The following H6PD variants were observed in gnomAD, a reference collection of about 807,000 sequenced individuals.
H6PD encodes the protein hexose-6-phosphate dehydrogenase/glucose 1-dehydrogenase, also known as GDH/6PGL endoplasmic bifunctional protein.
In H6PD, 48 loss-of-function variants were observed where a neutral mutation model predicts 61.2. The ratio of observed to expected loss-of-function variants is 0.78; its 90% CI spans 0.62 to 1.00. The LOEUF is 1.00. Among genes scored for constraint, H6PD ranks in the 50% least tolerant of loss-of-function variants. The pLI is 0.00. For synonymous variants in H6PD, 480 were observed against 457.9 expected (o/e 1.05, Z -0.62); for missense variants, 1,093 against 1,065.0 (o/e 1.03, Z -0.37).
At chr1:9,263,142 T>C (rs926819072) in intron 4 of H6PD, among the ~76,000 whole-genome samples, 8 of 144,490 alleles carry the variant, frequency 5.5e-5, no homozygotes, top group East Asian at 1.9e-4. Context: ...TAGGACCCCC[T>C]GACCCCTCAA....
chr1:9,239,260 T>C (rs1640929725), intron 1 of H6PD, among the ~76,000 whole-genome samples: 1 of 152,174 alleles, frequency 6.6e-6, no homozygotes, highest in African/African-American at 2.4e-5. Context: ...TTGCCCAGGC[T>C]GGTCTCAATC....
Position 9,262,267 on chromosome 1 carries a change from G to A in H6PD, c.954G>A (p.Glu318=). The A allele has an allele frequency of 6.2e-7, 1 of 1,611,220 alleles. No individual in the cohort carries two copies. ...AVVGQYQSYS[E]QVRRELQKPD... ...TGGGCCAGTACCAGTCTTACAGTGA[G>A]CAGGTGCGCAGAGAGCTGCAGAAGC... The change falls in exon 4 of 5, where the codon GAG becomes GAA. Residue 318 remains glutamate (E), a synonymous_variant. Transcript: ENST00000377403.
intron 3 of H6PD, among the ~76,000 whole-genome samples, chr1:9,259,261 T>C (rs558111613): frequency 4.6e-4 from 70 of 152,356 alleles, no homozygotes; most frequent in East Asian, 4.4e-3. Context: ...GTGCTGGGAT[T>C]ATGGGCGTGA....
intron 3 of H6PD, among the ~76,000 whole-genome samples, chr1:9,253,356 A>G (rs1423843183): frequency 6.6e-6 from 1 of 152,246 alleles, no homozygotes; most frequent in Non-Finnish European, 1.5e-5. Context: ...GGGATTCGCT[A>G]CATTAATGAA....
Position 9,266,454 on chromosome 1 carries a change from T to G in H6PD, c.*1585T>G, listed in dbSNP as rs1638565325. ...GCCCCCAAGGAGGGCTCTGACATTC[T>G]TTTTAAAAACACCACAAAGCAAAAT... On this transcript the variant is annotated 3_prime_UTR_variant, in exon 5 of 5. Transcript: ENST00000377403. 2 of 152,232 alleles carry G rather than the reference T, an allele frequency of 1.3e-5. No homozygotes were observed. Among genetic ancestry groups the G allele is most frequent in the Admixed American group, 6.5e-5 (1 of 15,286 alleles). The allele number at this position is 152,232 out of a possible 1,614,324, so 9.4% of individuals were successfully genotyped here. A position where few individuals can be genotyped will look rare whatever the true frequency, so the allele number is the denominator to read the frequency against.
At chr1:9,250,657 G>C (rs984115093) in intron 3 of H6PD, among the ~76,000 whole-genome samples, 19 of 152,200 alleles carry the variant, frequency 1.2e-4, no homozygotes, top group Non-Finnish European at 2.2e-4. Flanking sequence ...TCCTAGGCAG[G>C]AGTGGCACCT....
In H6PD at chr1:9,256,339, G is replaced by A. The variant is rs1026588895; in HGVS notation, c.746-5720G>A. The stretch of plus-strand genomic sequence containing the variant: ...GACTTCCTGCTCATTTCAAGGTTTA[G>A]TATCCCTGGACAGAGCTGCACCCTC... On this transcript the variant is annotated intron_variant, in intron 3 of 4. Coordinates refer to ENST00000377403, the MANE Select transcript of H6PD (RefSeq NM_004285.4). 3.3e-5 allele frequency among the ~76,000 whole-genome samples: 5 copies of A among 152,314 alleles called. No homozygotes were observed. The South Asian group carries it at 6.2e-4, about 19-fold the overall frequency.
rs866830656 is a variant in H6PD, at chr1:9,246,656, C to T, written c.628-310C>T. On this transcript the variant is annotated intron_variant, in intron 2 of 4. Coordinates refer to ENST00000377403, the MANE Select transcript of H6PD (RefSeq NM_004285.4). ...GAAGAAATACAGAATGTGCTCAATT[C>T]AGAGCTTTTCTTTGCTACATTTTTG... Among the ~76,000 whole-genome samples, 4 of 152,326 alleles carry T rather than the reference C, an allele frequency of 2.6e-5. No individual in the cohort carries two copies. The South Asian group carries it at 8.3e-4, about 32-fold the overall frequency.
At chr1:9,242,131 G>A (rs79388906) in intron 1 of H6PD, among the ~76,000 whole-genome samples, 1 of 152,240 alleles carries the variant, frequency 6.6e-6, no homozygotes, top group African/African-American at 2.4e-5. Context: ...GGCGAGGACC[G>A]CGTGTTTGTT....
intron 3 of H6PD, among the ~76,000 whole-genome samples, chr1:9,259,275 A>G (rs1329497836): frequency 6.6e-6 from 1 of 151,782 alleles, no homozygotes; most frequent in African/African-American, 2.4e-5. Flanking sequence ...GGCGTGAGCC[A>G]CCATGCCTGG....
At position 9,256,239 on chromosome 1, in the gene H6PD, C is replaced by T. The variant is rs148877316; in HGVS notation, c.746-5820C>T. On this transcript the variant is annotated intron_variant, in intron 3 of 4. Transcript: ENST00000377403. ...CAAGAACTTGAAGGCCACAACACTA[C>T]AGAGCTGGGGGATCTCAGCCATTGT... 2.6e-5 allele frequency among the ~76,000 whole-genome samples: 4 copies of T among 152,368 alleles called. No individual in the cohort carries two copies. In the East Asian group the frequency reaches 7.7e-4, roughly 29 times the overall value.
intron 3 of H6PD, among the ~76,000 whole-genome samples, chr1:9,248,758 G>C (rs942619080): frequency 3.9e-5 from 6 of 152,174 alleles, no homozygotes; most frequent in Non-Finnish European, 8.8e-5. Context: ...TGCTGGGTTC[G>C]AGAAGGCACT....
chr1:9,263,764 C>T lies in H6PD; in HGVS notation c.1271C>T (p.Pro424Leu). ...AGGAACCTGTTCAGGCCCTCCCTGC[C>T]CTCCAGCTGGAAGGAAATGGAGGGA... ...VSRNLFRPSL[P>L]SSWKEMEGPP... is the part of the protein sequence containing the mutation. The change falls in exon 5 of 5, where the codon CCC becomes CTC. Residue 424 changes from proline to leucine, a missense_variant. Physicochemically the swap from Pro to Leu is moderately conservative, Grantham distance 98 (BLOSUM62 -3). Coordinates refer to ENST00000377403, the MANE Select transcript of H6PD (RefSeq NM_004285.4). The T allele has an allele frequency of 1.2e-6, 2 of 1,613,988 alleles. No homozygotes were observed. The highest frequency in any genetic ancestry group is 1.7e-6 in the Non-Finnish European group (2 of 1,180,026).
rs1641461509 is a variant in H6PD at position 9,254,649 on chromosome 1, A to T, written c.746-7410A>T. Reference sequence around the variant, plus strand: ...GCAGACAGCTTCATCTTCCTGAAGTACCTCTTTCGTGCTTCTGCTTCCCTG... The same window carrying T: ...GCAGACAGCTTCATCTTCCTGAAGTTCCTCTTTCGTGCTTCTGCTTCCCTG... On this transcript the variant is annotated intron_variant, in intron 3 of 4. Coordinates refer to ENST00000377403, the MANE Select transcript of H6PD (RefSeq NM_004285.4). The surrounding 1 kb of genome is among the most constrained non-coding windows in gnomAD (Gnocchi z 4.6). Among the ~76,000 whole-genome samples the T allele has an allele frequency of 6.6e-6, 1 of 151,896 alleles. No individual in the cohort carries two copies. Among genetic ancestry groups the T allele is most frequent in the Admixed American group, 6.6e-5 (1 of 15,256 alleles).
intron 3 of H6PD, among the ~76,000 whole-genome samples, chr1:9,251,846 T>C (rs1198354636): frequency 6.6e-6 from 1 of 151,710 alleles, no homozygotes; most frequent in Non-Finnish European, 1.5e-5. Flanking sequence ...CAGAAGGTGT[T>C]GATGGGGATT....
At chr1:9,248,676 G>A (rs1385090831) in intron 3 of H6PD, among the ~76,000 whole-genome samples, 1 of 148,594 alleles carries the variant, frequency 6.7e-6, no homozygotes, top group Non-Finnish European at 1.5e-5. Context: ...GGCAGGCAGC[G>A]TGGTGGGGGG....
rs1318501715 is a variant in H6PD at position 9,254,730 on chromosome 1, A to G, written c.746-7329A>G. Among the ~76,000 whole-genome samples, 2 of 151,686 alleles carry G rather than the reference A, an allele frequency of 1.3e-5. No individual in the cohort carries two copies. The highest frequency in any genetic ancestry group is 4.8e-5 in the African/African-American group (2 of 41,270). On this transcript the variant is annotated intron_variant, in intron 3 of 4. Transcript: ENST00000377403. This position sits in a 1 kb window ranked among gnomAD's most constrained non-coding sequence, Gnocchi z 4.6. ...AGCTGTAACTCACAAATCCTACTACACTTTACCCAGTTAAGGTGGACAGGC... is the reference window on the plus strand; with the variant it reads ...AGCTGTAACTCACAAATCCTACTACGCTTTACCCAGTTAAGGTGGACAGGC...
rs1638511207 is a variant in H6PD, at chr1:9,265,074, A to G, written c.*205A>G. On this transcript the variant is annotated 3_prime_UTR_variant, in exon 5 of 5. Coordinates refer to ENST00000377403, the MANE Select transcript of H6PD (RefSeq NM_004285.4). ...TGTATTGGTGGATAGATGCAGAAAC[A>G]AGGAAGAAATGGAGTCTGCTCCTGA... 2 of 634,690 alleles carry G rather than the reference A, an allele frequency of 3.2e-6. No homozygotes were observed. Among genetic ancestry groups the G allele is most frequent in the Admixed American group, 2.5e-5 (1 of 40,488 alleles). The allele number at this position is 634,690 out of a possible 1,614,324, so 39.3% of individuals were successfully genotyped here.
chr1:9,236,757 C>T (rs189367354), intron 1 of H6PD, among the ~76,000 whole-genome samples: 8 of 151,502 alleles, frequency 5.3e-5, no homozygotes, highest in Admixed American at 4.6e-4. Context: ...TGCTTCCCAT[C>T]GATTTGTTTT....
Sources: allele counts gnomAD v4.1 joint callset (sites outside exome capture counted in the v4.1 genomes callset), GRCh38; gene constraint gnomAD v4.1.1; non-coding constraint Gnocchi (gnomAD v3.1); transcripts MANE v1.5; gene names NCBI Gene and HGNC (gene_info 2026-07-23, HGNC 2026-07-21).